The following TRIM69 variants were observed in gnomAD, a reference collection of about 807,000 sequenced individuals.
TRIM69 encodes E3 ubiquitin-protein ligase TRIM69.
In TRIM69, 29 loss-of-function variants were observed where a neutral mutation model predicts 37.7. That is an observed-to-expected ratio of 0.77 (90% CI 0.57 to 1.05). The LOEUF (loss-of-function observed/expected upper bound fraction) is 1.05, where lower values mean the gene tolerates loss of function less well. Among genes scored for constraint, TRIM69 ranks in the 50% least tolerant of loss-of-function variants. TRIM69 has a pLI of 0.00. For missense variants in TRIM69, 596 were observed against 579.9 expected (o/e 1.03, Z -0.28); for synonymous variants, 209 against 212.4 (o/e 0.98, Z 0.14).
At chr15:44,760,462 T>C (rs568687034) in intron 6 of TRIM69, among the ~76,000 whole-genome samples, 2 of 152,324 alleles carry the variant, frequency 1.3e-5, no homozygotes, top group African/African-American at 2.4e-5. Flanking sequence ...AAAATCTTTA[T>C]AGAAATAAAA....
chr15:44,762,357 C>T (rs910616901), intron 6 of TRIM69, among the ~76,000 whole-genome samples: 2 of 152,096 alleles, frequency 1.3e-5, no homozygotes, highest in Non-Finnish European at 2.9e-5. Context: ...TGTATTTATT[C>T]TGCTTGTGCG....
Position 44,758,777 on chromosome 15 carries a change from C to A in TRIM69, c.736C>A (p.Gln246Lys). 1 of 1,614,106 alleles carries A rather than the reference C, an allele frequency of 6.2e-7. No individual in the cohort carries two copies. Among genetic ancestry groups the A allele is most frequent in the Non-Finnish European group, 8.5e-7 (1 of 1,180,004 alleles). Residue 246 changes from glutamine (Q) to lysine (K), a missense_variant, in exon 4 of 7, where the codon CAA (glutamine) becomes AAA (lysine). Transcript: ENST00000329464. ...GTTGAATCTGAGCCAGCTTCAGGAGCAATGTCTCTTAGCCAAGGATATGTT... is the reference window on the plus strand; with the variant it reads ...GTTGAATCTGAGCCAGCTTCAGGAGAAATGTCTCTTAGCCAAGGATATGTT... ...MELNLSQLQE[Q>K]CLLAKDMLVS...
At chr15:44,738,283 C>T (rs1207215225) in intron 1 of TRIM69, among the ~76,000 whole-genome samples, 1 of 149,060 alleles carries the variant, frequency 6.7e-6, no homozygotes, top group African/African-American at 2.5e-5. Flanking sequence ...GTTACCCAGG[C>T]TTGTCTCCAA....
At chr15:44,765,425 A>AT (rs2087864236) in intron 6 of TRIM69, among the ~76,000 whole-genome samples, 1 of 152,316 alleles carries the variant, frequency 6.6e-6, no homozygotes. Context: ...GGGGATAGGG[A>AT]TTTAGCCTAT....
At chr15:44,762,304 C>G (rs559503092) in intron 6 of TRIM69, among the ~76,000 whole-genome samples, 38 of 152,196 alleles carry the variant, frequency 2.5e-4, no homozygotes, top group African/African-American at 9.1e-4. Flanking sequence ...TTGTCACTTG[C>G]TTCCATCAAT....
At chr15:44,765,636 C>A (rs967585850) in intron 6 of TRIM69, among the ~76,000 whole-genome samples, 1 of 83,874 alleles carries the variant, frequency 1.2e-5, no homozygotes. Context: ...TGCCTGTAAT[C>A]CTAGCTACTC....
chr15:44,755,904 C>T (rs1039552036), intron 2 of TRIM69, among the ~76,000 whole-genome samples: 1 of 152,090 alleles, frequency 6.6e-6, no homozygotes, highest in Non-Finnish European at 1.5e-5. Flanking sequence ...AACAAATGTT[C>T]CAAGTGAGAA....
Position 44,751,278 on chromosome 15 carries a change from G to A in TRIM69, c.7-3622G>A, listed in dbSNP as rs548222316. ...TTACAGGTGCTCGCTACCACGCCCA[G>A]CTAATTTTTGTATTTTTAGTAGAGA... On this transcript the variant is annotated intron_variant, in intron 1 of 6. Coordinates refer to ENST00000329464, the MANE Select transcript of TRIM69 (RefSeq NM_182985.5). Among the ~76,000 whole-genome samples the A allele has an allele frequency of 2.6e-5, 4 of 152,090 alleles. No individual in the cohort carries two copies. The East Asian group carries it at 7.7e-4, about 29-fold the overall frequency.
Position 44,736,719 on chromosome 15 carries a change from C to A in TRIM69, c.6+9C>A. On this transcript the variant is annotated intron_variant, in intron 1 of 6. Transcript: ENST00000329464. ...GCTGAAGCTTCATGGAGGTGAGTGA[C>A]CCTTTTTTTTTTTAACTTAGCAGGG... 3 of 1,497,440 alleles carry A rather than the reference C, an allele frequency of 2.0e-6. No individual in the cohort carries two copies. The highest frequency in any genetic ancestry group is 2.7e-6 in the Non-Finnish European group (3 of 1,120,412). The allele number at this position is 1,497,440 out of a possible 1,614,324, so 92.8% of individuals were successfully genotyped here. A position where few individuals can be genotyped will look rare whatever the true frequency, so the allele number is the denominator to read the frequency against.
chr15:44,744,941 T>C (rs1370686793), intron 1 of TRIM69, among the ~76,000 whole-genome samples: 1 of 151,736 alleles, frequency 6.6e-6, no homozygotes, highest in South Asian at 2.1e-4. Context: ...GGGCAAACAA[T>C]AGAGTAACCA....
intron 6 of TRIM69, among the ~76,000 whole-genome samples, chr15:44,761,795 G>A (rs572863933): frequency 2.0e-5 from 3 of 152,044 alleles, no homozygotes; most frequent in Admixed American, 6.6e-5. Flanking sequence ...CCTGTTGAGC[G>A]TCCTTTCAGG....
At chr15:44,749,690 T>C (rs1489112669) in intron 1 of TRIM69, among the ~76,000 whole-genome samples, 2 of 152,264 alleles carry the variant, frequency 1.3e-5, no homozygotes, top group Non-Finnish European at 2.9e-5. Flanking sequence ...TATTAACATT[T>C]AGGTACAAGT....
intron 6 of TRIM69, among the ~76,000 whole-genome samples, chr15:44,763,537 AG>A (rs1175138659): frequency 6.6e-6 from 1 of 152,132 alleles, no homozygotes; most frequent in Non-Finnish European, 1.5e-5. Context: ...ACGCTTAAGG[AG>A]GGGATAGTTA....
At chr15:44,755,438 C>T in intron 2 of TRIM69, 62 bp downstream of exon 2, 4 of 1,172,800 alleles carry the variant, frequency 3.4e-6, no homozygotes, top group Non-Finnish European at 4.9e-6. Context: ...TTTCATAGGG[C>T]TTCTTCTTTC....
intron 1 of TRIM69, among the ~76,000 whole-genome samples, chr15:44,747,143 C>G (rs908579427): frequency 2.0e-5 from 3 of 152,098 alleles, no homozygotes; most frequent in African/African-American, 7.2e-5. Flanking sequence ...AACAGGCAAG[C>G]AGGCTTAAGC....
chr15:44,765,882 T>C (rs1443896135), intron 6 of TRIM69, among the ~76,000 whole-genome samples: 1 of 152,212 alleles, frequency 6.6e-6, no homozygotes, highest in African/African-American at 2.4e-5. Flanking sequence ...TCTGTGTCCA[T>C]GGTGTGCACA....
intron 6 of TRIM69, among the ~76,000 whole-genome samples, chr15:44,766,009 A>G (rs904882545): frequency 6.6e-6 from 1 of 152,146 alleles, no homozygotes; most frequent in East Asian, 1.9e-4. Context: ...TTTAGTTTAG[A>G]TATTCTTTTT....
intron 6 of TRIM69, 46 bp downstream of exon 6, chr15:44,759,918 G>T: frequency 6.3e-7 from 1 of 1,580,120 alleles, no homozygotes. Flanking sequence ...CCTAATCTAC[G>T]TTTAATCTGT....
intron 1 of TRIM69, chr15:44,752,931 TTTG>T (rs979294090): frequency 2.0e-5 from 3 of 152,208 alleles, no homozygotes; most frequent in Non-Finnish European, 2.9e-5. Flanking sequence ...TTTTCTCCTT[TTTG>T]TTGTTATTAT....
Sources: gnomAD v4.1 joint callset for allele counts (sites outside exome capture counted in the v4.1 genomes callset) on GRCh38, gnomAD v4.1.1 for gene constraint, MANE v1.5 for transcripts, NCBI Gene and HGNC (gene_info 2026-07-23, HGNC 2026-07-21) for gene names.